The following CDH13 variants were observed in gnomAD, a reference collection of about 807,000 sequenced individuals.
CDH13 encodes the protein cadherin 13.
Under a neutral mutation model 63.8 loss-of-function variants are expected in CDH13, and 24 were observed. That is an observed-to-expected ratio of 0.38 (90% CI 0.27 to 0.53). CDH13 has a LOEUF of 0.53. Ranked by LOEUF, CDH13 falls within the 20% of genes least tolerant of loss-of-function variation. CDH13 has a pLI of 0.85. For synonymous variants in CDH13, 503 were observed against 355.3 expected, an observed-to-expected ratio of 1.42 and a Z score of -4.67; for missense variants, 1,049 against 903.1, an observed-to-expected ratio of 1.16 and a Z score of -2.07.
At chr16:83,207,189 A>G (rs1336171258) in intron 4 of CDH13, among the ~76,000 whole-genome samples, 1 of 152,222 alleles carries the variant, frequency 6.6e-6, no homozygotes, top group Non-Finnish European at 1.5e-5. Context: ...ATCCATCTCC[A>G]GAACGTTTTC....
At chr16:83,341,952 G>T (rs2090732090) in intron 5 of CDH13, among the ~76,000 whole-genome samples, 1 of 146,762 alleles carries the variant, frequency 6.8e-6, no homozygotes, top group Admixed American at 6.9e-5. Context: ...CAGCAATAAG[G>T]TTTTCTCCAC....
intron 5 of CDH13, among the ~76,000 whole-genome samples, chr16:83,274,044 C>T (rs1475986433): frequency 6.6e-6 from 1 of 152,190 alleles, no homozygotes; most frequent in South Asian, 2.1e-4. Context: ...AAGCTCTCTT[C>T]CAGCCTGCAC....
intron 2 of CDH13, among the ~76,000 whole-genome samples, chr16:82,939,422 C>T (rs1174405557): frequency 1.6e-5 from 1 of 60,720 alleles, no homozygotes; most frequent in Non-Finnish European, 3.0e-5. Context: ...GACCTTAGCT[C>T]AAAAAAAATT....
At chr16:83,507,629 G>A (rs757196798) in intron 7 of CDH13, among the ~76,000 whole-genome samples, 1 of 152,194 alleles carries the variant, frequency 6.6e-6, no homozygotes, top group Admixed American at 6.5e-5. Flanking sequence ...TAGCCTTCCT[G>A]TGGGCATAGC....
intron 6 of CDH13, among the ~76,000 whole-genome samples, chr16:83,350,120 T>C (rs1346726154): frequency 6.6e-6 from 1 of 152,162 alleles, no homozygotes; most frequent in Non-Finnish European, 1.5e-5. Flanking sequence ...CCGCCAGCTG[T>C]GCGCAAGGGA....
At chr16:82,700,952 CCCG>C (rs1285150992) in intron 1 of CDH13, among the ~76,000 whole-genome samples, 14 of 5,876 alleles carry the variant, frequency 2.4e-3, no homozygotes, top group African/African-American at 4.5e-3. Context: ...AGTGCTGGAA[CCCG>C]CCCCCCCCCC....
chr16:83,500,334 TCCTCC>T (rs2074247942), intron 7 of CDH13, among the ~76,000 whole-genome samples: 1 of 2,352 alleles, frequency 4.3e-4, no homozygotes, highest in African/African-American at 4.7e-4. Flanking sequence ...CTCCTCCTCC[TCCTCC>T]TCCTCCTCCT....
In CDH13 at chr16:83,259,611, C is replaced by G. The variant is rs73593973; in HGVS notation, c.636+42114C>G. ...ACACTTGAAAATCATTCACTTAAGACAAAGTCAATAGAAGACTTCTCAGTC... is the reference window on the plus strand; with the variant it reads ...ACACTTGAAAATCATTCACTTAAGAGAAAGTCAATAGAAGACTTCTCAGTC... On this transcript the variant is annotated intron_variant, in intron 5 of 13. Coordinates refer to ENST00000567109, the MANE Select transcript of CDH13 (RefSeq NM_001257.5). Among the ~76,000 whole-genome samples the G allele has an allele frequency of 3.6e-3, 551 of 152,270 alleles. 2 individuals are homozygous for G. The highest frequency in any genetic ancestry group is 0.013 in the African/African-American group (527 of 41,552).
At chr16:82,661,827 G>T (rs1911983782) in intron 1 of CDH13, among the ~76,000 whole-genome samples, 1 of 152,224 alleles carries the variant, frequency 6.6e-6, no homozygotes, top group Non-Finnish European at 1.5e-5. Context: ...CTATGTAATG[G>T]ACACAATTTA....
intron 1 of CDH13, among the ~76,000 whole-genome samples, chr16:82,808,625 A>G (rs970303542): frequency 4.6e-5 from 7 of 152,104 alleles, no homozygotes; most frequent in Non-Finnish European, 7.4e-5. Context: ...TTTTCATAAG[A>G]TGATGTTGGA....
At chr16:83,744,838 G>T (rs1457981331) in intron 10 of CDH13, among the ~76,000 whole-genome samples, 1 of 152,186 alleles carries the variant, frequency 6.6e-6, no homozygotes, top group Non-Finnish European at 1.5e-5. Context: ...CAGGCTCACT[G>T]TTAGAACCCA....
At chr16:83,670,695 G>C in intron 8 of CDH13, 95 bp from the exon 9 acceptor site, 2 of 1,017,062 alleles carry the variant, frequency 2.0e-6, no homozygotes, top group Non-Finnish European at 3.0e-6. Flanking sequence ...TTATTTTTAA[G>C]TGAGATGATG....
intron 1 of CDH13, among the ~76,000 whole-genome samples, chr16:82,835,993 T>G (rs1450750352): frequency 6.6e-6 from 1 of 152,234 alleles, no homozygotes; most frequent in Non-Finnish European, 1.5e-5. Context: ...GAATTTGCCA[T>G]GATTCACTCA....
intron 13 of CDH13, among the ~76,000 whole-genome samples, chr16:83,793,428 G>A (rs1236865592): frequency 1.3e-5 from 2 of 152,186 alleles, no homozygotes; most frequent in Non-Finnish European, 2.9e-5. Flanking sequence ...GCCATAAGGA[G>A]GAGCCACGAG....
chr16:83,528,272 A>G (rs1046635552), intron 7 of CDH13, among the ~76,000 whole-genome samples: 10 of 152,354 alleles, frequency 6.6e-5, no homozygotes, highest in Middle Eastern at 3.4e-3. Flanking sequence ...CATAATAAGG[A>G]TGAGGAAATT....
At chr16:82,753,821 G>T (rs897011713) in intron 1 of CDH13, among the ~76,000 whole-genome samples, 5 of 152,144 alleles carry the variant, frequency 3.3e-5, no homozygotes, top group African/African-American at 1.2e-4. Context: ...CAAACATCAA[G>T]AGAGAAGTGG....
chr16:83,450,539 G>A (rs564006756), intron 6 of CDH13, among the ~76,000 whole-genome samples: 16 of 152,088 alleles, frequency 1.1e-4, no homozygotes, highest in African/African-American at 1.4e-4. Context: ...TTATTAAATC[G>A]AACGGAAAAA....
intron 10 of CDH13, chr16:83,735,593 G>A (rs1911467973): frequency 6.6e-6 from 1 of 152,136 alleles, no homozygotes; most frequent in Non-Finnish European, 1.5e-5. Flanking sequence ...ACAGATACAT[G>A]AAATAATAAA....
chr16:82,811,982 T>C (rs2037467511), intron 1 of CDH13, among the ~76,000 whole-genome samples: 1 of 152,168 alleles, frequency 6.6e-6, no homozygotes, highest in Non-Finnish European at 1.5e-5. Context: ...GCATTTGGAA[T>C]AGAGACATGA....
Sources: gnomAD v4.1 joint callset for allele counts (sites outside exome capture counted in the v4.1 genomes callset) on GRCh38, gnomAD v4.1.1 for gene constraint, MANE v1.5 for transcripts, NCBI Gene and HGNC (gene_info 2026-07-23, HGNC 2026-07-21) for gene names.